The following FNDC3B variants were observed in gnomAD, a reference collection of about 807,000 sequenced individuals.
The protein encoded by FNDC3B is fibronectin type III domain containing 3B.
A neutral mutation model predicts 151.5 loss-of-function variants in FNDC3B; 12 were observed. The observed-to-expected ratio is 0.08, with a 90% CI of 0.05 to 0.13. The LOEUF (loss-of-function observed/expected upper bound fraction) is 0.13, where lower values mean the gene tolerates loss of function less well. Among genes scored for constraint, FNDC3B ranks in the 10% least tolerant of loss-of-function variants. The pLI is 1.00. For missense variants in FNDC3B, 1,214 were observed against 1,505.3 expected (o/e 0.81, Z 3.20); for synonymous variants, 528 against 549.0 (o/e 0.96, Z 0.54).
At chr3:172,254,201 TA>T (rs1728222050) in intron 6 of FNDC3B, among the ~76,000 whole-genome samples, 1 of 152,216 alleles carries the variant, frequency 6.6e-6, no homozygotes, top group South Asian at 2.1e-4. Flanking sequence ...CATGTTAATA[TA>T]AATACATGTA....
At chr3:172,290,603 C>T (rs909642122) in intron 7 of FNDC3B, among the ~76,000 whole-genome samples, 15 of 152,090 alleles carry the variant, frequency 9.9e-5, no homozygotes, top group South Asian at 4.1e-4. Flanking sequence ...TTTCCATCCG[C>T]GAATGTTTAG....
intron 5 of FNDC3B, among the ~76,000 whole-genome samples, chr3:172,249,188 C>A (rs1287536886): frequency 1.3e-5 from 2 of 152,096 alleles, no homozygotes; most frequent in Non-Finnish European, 2.9e-5. Context: ...TGTATCTGAG[C>A]TCTGATGACA....
intron 7 of FNDC3B, 81 bp downstream of exon 7, chr3:172,286,065 G>A (rs1245813996): frequency 3.9e-6 from 4 of 1,015,300 alleles, no homozygotes; most frequent in Non-Finnish European, 6.0e-6. Flanking sequence ...CCACCACACA[G>A]TAGGTAAGGA....
At chr3:172,048,287 AC>A (rs999119151) in intron 1 of FNDC3B, among the ~76,000 whole-genome samples, 3 of 152,172 alleles carry the variant, frequency 2.0e-5, no homozygotes, top group Non-Finnish European at 4.4e-5. Context: ...GTTTTAAAAA[AC>A]CCATTCTATA....
At chr3:172,361,125 G>C (rs1374540020) in intron 22 of FNDC3B, among the ~76,000 whole-genome samples, 1 of 152,070 alleles carries the variant, frequency 6.6e-6, no homozygotes, top group Non-Finnish European at 1.5e-5. Context: ...TGTCTCCAAG[G>C]TTTGTGAAAT....
At chr3:172,059,025 A>G (rs541337649) in intron 1 of FNDC3B, among the ~76,000 whole-genome samples, 2 of 152,248 alleles carry the variant, frequency 1.3e-5, no homozygotes, top group African/African-American at 4.8e-5. Context: ...TGCCTCTGAC[A>G]TTTTGTTTCT....
chr3:172,235,452 G>C (rs1192373223), intron 4 of FNDC3B, among the ~76,000 whole-genome samples: 1 of 152,146 alleles, frequency 6.6e-6, no homozygotes, highest in East Asian at 1.9e-4. Context: ...CCTGGTTAAG[G>C]CTCTTGCCCC....
At chr3:172,184,336 CAAAT>C (rs1043607686) in intron 3 of FNDC3B, 1 of 151,506 alleles carries the variant, frequency 6.6e-6, no homozygotes, top group African/African-American at 2.4e-5. Context: ...AAGAGTTAAA[CAAAT>C]AAACATATAC....
At chr3:172,239,654 T>TCTTGTGG (rs1727368041) in intron 4 of FNDC3B, among the ~76,000 whole-genome samples, 1 of 152,018 alleles carries the variant, frequency 6.6e-6, no homozygotes. Context: ...CTCTTTTGAT[T>TCTTGTGG]CTTGTGGCTT....
At chr3:172,308,442 G>T (rs569985355) in intron 10 of FNDC3B, among the ~76,000 whole-genome samples, 10 of 152,328 alleles carry the variant, frequency 6.6e-5, no homozygotes, top group African/African-American at 2.4e-4. Flanking sequence ...TTTAGGGTTT[G>T]GGGGGAGAAT....
At chr3:172,073,774 T>C (rs565671315) in intron 1 of FNDC3B, among the ~76,000 whole-genome samples, 37 of 152,298 alleles carry the variant, frequency 2.4e-4, no homozygotes, top group Non-Finnish European at 4.6e-4. Context: ...ACTGTTTTCA[T>C]TGAACCTTTA....
At chr3:172,307,191 T>G in intron 9 of FNDC3B, 172 bp from the exon 10 acceptor site, 2 of 632,064 alleles carry the variant, frequency 3.2e-6, no homozygotes, top group East Asian at 2.7e-5. Context: ...GACTGTCCCC[T>G]GTTAATGCTA....
At chr3:172,214,542 C>G (rs201621453) in intron 3 of FNDC3B, among the ~76,000 whole-genome samples, 2 of 150,592 alleles carry the variant, frequency 1.3e-5, no homozygotes, top group Non-Finnish European at 3.0e-5. Flanking sequence ...AGCTATGACT[C>G]TGTTTTATGG....
chr3:172,188,018 G>T (rs1195158804), intron 3 of FNDC3B, among the ~76,000 whole-genome samples: 1 of 138,910 alleles, frequency 7.2e-6, no homozygotes, highest in African/African-American at 2.7e-5. Context: ...TTTTTGAGAC[G>T]GAGTTCTGTT....
At chr3:172,327,640 G>A (rs1403335454) in intron 11 of FNDC3B, among the ~76,000 whole-genome samples, 1 of 152,218 alleles carries the variant, frequency 6.6e-6, no homozygotes, top group East Asian at 1.9e-4. Flanking sequence ...TCCTGACCTC[G>A]TGATCTGCCC....
chr3:172,382,965 C>G (rs940889465), intron 25 of FNDC3B, among the ~76,000 whole-genome samples: 1 of 151,992 alleles, frequency 6.6e-6, no homozygotes, highest in African/African-American at 2.4e-5. Context: ...TTTTTTGGTT[C>G]CATATGAAAC....
chr3:172,062,330 G>A (rs1374075387), intron 1 of FNDC3B, among the ~76,000 whole-genome samples: 2 of 110,658 alleles, frequency 1.8e-5, no homozygotes, highest in African/African-American at 6.9e-5. Flanking sequence ...TTTTTTTTTT[G>A]AGATGGAGTC....
At chr3:172,054,960 A>G (rs1435323797) in intron 1 of FNDC3B, among the ~76,000 whole-genome samples, 1 of 152,252 alleles carries the variant, frequency 6.6e-6, no homozygotes, top group Non-Finnish European at 1.5e-5. Flanking sequence ...AGCATCTATC[A>G]AAGGAGGAAT....
intron 1 of FNDC3B, among the ~76,000 whole-genome samples, chr3:172,045,817 C>T (rs1466593301): frequency 6.6e-6 from 1 of 150,510 alleles, no homozygotes; most frequent in African/African-American, 2.5e-5. Flanking sequence ...TACACTTTGC[C>T]TTAAAATATA....
Sources: allele counts gnomAD v4.1 joint callset (sites outside exome capture counted in the v4.1 genomes callset), GRCh38; gene constraint gnomAD v4.1.1; transcripts MANE v1.5; gene names NCBI Gene and HGNC (gene_info 2026-07-23, HGNC 2026-07-21).